The following PCDH11Y variants were observed in gnomAD, a reference collection of about 807,000 sequenced individuals.
PCDH11Y encodes the protein protocadherin 11 Y-linked, also known as protocadherin-11 Y-linked.
For synonymous variants in PCDH11Y, 9 were observed against 83.6 expected (o/e 0.11, Z 4.87); for missense variants, 12 against 224.8 (o/e 0.05, Z 6.05).
At chrY:5,270,989 C>G in intron 2 of PCDH11Y, among the ~76,000 whole-genome samples, 1 of 33,186 alleles carries the variant, frequency 3.0e-5, no homozygotes, top group Non-Finnish European at 7.4e-5. Context: ...GATAATCTAC[C>G]AAACGCAAAA....
At chrY:5,579,486 C>T in intron 3 of PCDH11Y, among the ~76,000 whole-genome samples, 2 of 32,192 alleles carry the variant, frequency 6.2e-5, no homozygotes, top group African/African-American at 1.2e-4. Flanking sequence ...CCTAAACTAT[C>T]GTTTTTAAAT....
chrY:5,307,489 A>T, intron 2 of PCDH11Y, among the ~76,000 whole-genome samples: 1 of 33,082 alleles, frequency 3.0e-5, no homozygotes, highest in South Asian at 6.6e-4. Context: ...TTATTGCAGG[A>T]TTGATAGAAG....
intron 3 of PCDH11Y, among the ~76,000 whole-genome samples, chrY:5,570,316 A>G: frequency 3.3e-5 from 1 of 30,375 alleles, no homozygotes; most frequent in Non-Finnish European, 7.9e-5. Context: ...ATTTATCAAC[A>G]TATCATCTAA....
intron 2 of PCDH11Y, among the ~76,000 whole-genome samples, chrY:5,329,009 C>T: frequency 3.1e-5 from 1 of 32,361 alleles, no homozygotes; most frequent in Non-Finnish European, 7.5e-5. Context: ...GCACCTCAGA[C>T]CATTTGCCCA....
At chrY:5,346,831 C>T (rs207480290) in intron 2 of PCDH11Y, among the ~76,000 whole-genome samples, 80 of 33,118 alleles carry the variant, frequency 2.4e-3, no homozygotes, top group African/African-American at 8.6e-3. Context: ...CCAACCACAA[C>T]GTTAACCACA....
chrY:5,513,874 A>T, intron 3 of PCDH11Y, among the ~76,000 whole-genome samples: 1 of 30,725 alleles, frequency 3.3e-5, no homozygotes, highest in Non-Finnish European at 7.8e-5. Context: ...TAGCTATTCA[A>T]TGTGGATATA....
At chrY:5,504,620 T>G in intron 3 of PCDH11Y, among the ~76,000 whole-genome samples, 1 of 32,690 alleles carries the variant, frequency 3.1e-5, no homozygotes, top group East Asian at 8.1e-4. Context: ...CTGGAACAGA[T>G]AATGTCTGCA....
intron 1 of PCDH11Y, among the ~76,000 whole-genome samples, chrY:5,022,834 C>T: frequency 3.1e-5 from 1 of 32,337 alleles, no homozygotes; most frequent in African/African-American, 1.2e-4. Flanking sequence ...GCATATTGTG[C>T]CTGAATAATG....
chrY:5,406,907 C>A, intron 2 of PCDH11Y, among the ~76,000 whole-genome samples: 1 of 32,525 alleles, frequency 3.1e-5, no homozygotes. Context: ...AGAAAACATT[C>A]AAGGAAGATG....
Position 5,637,338 on chromosome Y carries a change from C to G in PCDH11Y, c.3352+55540C>G, listed in dbSNP as rs371559793. ...TCTCTTTCCTATCTGCCTTAAACCT[C>G]TTTGTGTTAATTAATTCTGTGGTTT... On this transcript the variant is annotated intron_variant, in intron 4 of 4. Transcript: ENST00000400457. 5.2e-3 allele frequency among the ~76,000 whole-genome samples: 174 copies of G among 33,724 alleles called. No homozygotes were observed. The South Asian group carries it at 0.076, about 15-fold the overall frequency. 90.5% of individuals were successfully genotyped at this position (33,724 alleles called of 37,273 possible).
rs2124693805 is a variant in PCDH11Y, at chrY:5,548,482, C to T, written c.3329-33293C>T. On this transcript the variant is annotated intron_variant, in intron 3 of 4. Coordinates refer to the PCDH11Y transcript ENST00000400457. ...AAAGGTATGGGGAGAAAGCAAACAACTTTGAAAACATATTTCAGGCTATCA... is the reference window on the plus strand; with the variant it reads ...AAAGGTATGGGGAGAAAGCAAACAATTTTGAAAACATATTTCAGGCTATCA... Among the ~76,000 whole-genome samples the T allele has an allele frequency of 2.4e-4, 8 of 32,712 alleles. No homozygotes were observed. The South Asian group carries it at 5.6e-3, about 23-fold the overall frequency. 87.8% of individuals were successfully genotyped at this position (32,712 alleles called of 37,273 possible).
chrY:5,672,100 T>A, intron 4 of PCDH11Y, among the ~76,000 whole-genome samples: 2 of 32,697 alleles, frequency 6.1e-5, no homozygotes, highest in Non-Finnish European at 1.5e-4. Context: ...CAGGGGTAAA[T>A]CTCACTTGGT....
chrY:5,618,236 C>A (rs2557044), intron 4 of PCDH11Y, among the ~76,000 whole-genome samples: 1 of 34,767 alleles, frequency 2.9e-5, no homozygotes, highest in South Asian at 5.8e-4. Context: ...TATTTAAAAG[C>A]GTCCTAAAAA....
chrY:5,585,994 C>T (rs2053455413), intron 4 of PCDH11Y, among the ~76,000 whole-genome samples: 1 of 29,317 alleles, frequency 3.4e-5, no homozygotes, highest in African/African-American at 1.3e-4. Context: ...TTACTATAAT[C>T]CTGTAGTATA....
At chrY:5,237,359 A>T (rs2052976495) in intron 2 of PCDH11Y, among the ~76,000 whole-genome samples, 1 of 33,348 alleles carries the variant, frequency 3.0e-5, no homozygotes, top group Non-Finnish European at 7.4e-5. Context: ...GAGTCATGGA[A>T]ATTTTTTAGT....
intron 2 of PCDH11Y, among the ~76,000 whole-genome samples, chrY:5,259,827 T>C: frequency 3.0e-5 from 1 of 33,422 alleles, no homozygotes; most frequent in East Asian, 8.1e-4. Context: ...ATTAATGTCC[T>C]TTTCTTTCAG....
intron 2 of PCDH11Y, among the ~76,000 whole-genome samples, chrY:5,246,817 G>A: frequency 1.2e-4 from 4 of 32,611 alleles, no homozygotes; most frequent in Non-Finnish European, 3.0e-4. Flanking sequence ...ACCCATCAGT[G>A]TGCTGTATTC....
At chrY:5,700,524 AG>A (rs2053576689) in intron 4 of PCDH11Y, among the ~76,000 whole-genome samples, 1 of 33,215 alleles carries the variant, frequency 3.0e-5, no homozygotes, top group Non-Finnish European at 7.4e-5. Context: ...TGGTTTTATA[AG>A]GGGAAAGCTC....
At chrY:5,102,524 C>G (rs2052781475), downstream of PCDH11Y, among the ~76,000 whole-genome samples, 1 of 32,073 alleles carries the variant, frequency 3.1e-5, no homozygotes, top group South Asian at 6.9e-4. Flanking sequence ...GGTTTCAGTG[C>G]TTTTTGAAGG....
Sources: gnomAD v4.1 joint callset for allele counts (sites outside exome capture counted in the v4.1 genomes callset) on GRCh38, gnomAD v4.1.1 for gene constraint, MANE v1.5 for transcripts, NCBI Gene and HGNC (gene_info 2026-07-23, HGNC 2026-07-21) for gene names.